Variants in DZANK1 observed in about 807,000 individuals in gnomAD.
The protein encoded by DZANK1 is double zinc ribbon and ankyrin repeat domains 1.
In DZANK1, 91 loss-of-function variants were observed where a neutral mutation model predicts 94.5. That is an observed-to-expected ratio of 0.96 (90% CI 0.81 to 1.15). The LOEUF is 1.15. Ranked by LOEUF, DZANK1 falls within the 50% of genes most tolerant of loss-of-function variation. DZANK1 has a pLI of 0.00. For missense variants in DZANK1, 903 were observed against 916.4 expected (o/e 0.99, Z 0.19); for synonymous variants, 312 against 325.3 (o/e 0.96, Z 0.44).
chr20:18,411,877 A>G (rs1037103309), intron 13 of DZANK1, among the ~76,000 whole-genome samples: 2 of 152,156 alleles, frequency 1.3e-5, no homozygotes, highest in African/African-American at 4.8e-5. Context: ...CTCTGCTTCC[A>G]AAATGGTGCC....
At chr20:18,439,347 A>C (rs2058645193) in intron 8 of DZANK1, among the ~76,000 whole-genome samples, 2 of 152,176 alleles carry the variant, frequency 1.3e-5, no homozygotes, top group Non-Finnish European at 2.9e-5. Context: ...TTAAATCAAG[A>C]GACTGAATTT....
chr20:18,419,455 C>T (rs912863225), intron 10 of DZANK1, among the ~76,000 whole-genome samples: 10 of 152,032 alleles, frequency 6.6e-5, no homozygotes, highest in African/African-American at 1.7e-4. Context: ...TAAATGAACA[C>T]CAACCAGAAT....
intron 8 of DZANK1, among the ~76,000 whole-genome samples, chr20:18,442,239 A>C (rs992042369): frequency 1.3e-5 from 2 of 152,368 alleles, no homozygotes; most frequent in Non-Finnish European, 2.9e-5. Flanking sequence ...AAATGAAGTT[A>C]GTTGTGAAAA....
At chr20:18,403,854 C>T (rs1167576065) in intron 13 of DZANK1, among the ~76,000 whole-genome samples, 1 of 137,520 alleles carries the variant, frequency 7.3e-6, no homozygotes, top group African/African-American at 2.8e-5. Context: ...GGTAGGAGTG[C>T]AGTGGCATGA....
At chr20:18,417,033 AC>A (rs1408378631) in intron 10 of DZANK1, among the ~76,000 whole-genome samples, 4 of 92,404 alleles carry the variant, frequency 4.3e-5, no homozygotes, top group Admixed American at 3.0e-4. Flanking sequence ...ACAAAAAAAA[AC>A]AAAAAAAAAA....
At chr20:18,398,296 T>A in intron 14 of DZANK1, 1 of 515,436 alleles carries the variant, frequency 1.9e-6, no homozygotes, top group Non-Finnish European at 3.5e-6. Context: ...ATGTTCAGAA[T>A]TTTATTGTCT....
At chr20:18,402,932 T>C (rs565413771) in intron 13 of DZANK1, among the ~76,000 whole-genome samples, 1 of 152,324 alleles carries the variant, frequency 6.6e-6, no homozygotes, top group South Asian at 2.1e-4. Flanking sequence ...AATGAAAATA[T>C]ACCAAAACTC....
chr20:18,465,845 C>G (rs1374200986), intron 1 of DZANK1, among the ~76,000 whole-genome samples: 4 of 152,106 alleles, frequency 2.6e-5, no homozygotes, highest in Admixed American at 2.6e-4. Context: ...TGGGAAAGCT[C>G]CGGGTTCACA....
At chr20:18,453,864 A>G in intron 4 of DZANK1, 37 bp from the exon 5 acceptor site, 1 of 1,237,946 alleles carries the variant, frequency 8.1e-7, no homozygotes, top group Non-Finnish European at 1.2e-6. Context: ...TCACTTGGTT[A>G]TTCCCATGTG....
chr20:18,462,353 T>C (rs1006186700), intron 2 of DZANK1, among the ~76,000 whole-genome samples: 1 of 152,116 alleles, frequency 6.6e-6, no homozygotes, highest in African/African-American at 2.4e-5. Context: ...GGATAAGTTC[T>C]GCTCAGCAAG....
chr20:18,447,225 C>T (rs2058910390), intron 7 of DZANK1, among the ~76,000 whole-genome samples: 1 of 152,094 alleles, frequency 6.6e-6, no homozygotes, highest in Admixed American at 6.5e-5. Flanking sequence ...CCTATAATCC[C>T]ACTACTTTGG....
intron 10 of DZANK1, among the ~76,000 whole-genome samples, chr20:18,424,469 CAA>C (rs1259005733): frequency 1.9e-4 from 19 of 101,038 alleles, no homozygotes; most frequent in Admixed American, 3.0e-4. Flanking sequence ...ACAACAACAA[CAA>C]AAAAAAAAAA....
At chr20:18,390,507 C>T in intron 17 of DZANK1, 48 bp from the exon 18 acceptor site, 3 of 1,556,142 alleles carry the variant, frequency 1.9e-6, no homozygotes, top group Non-Finnish European at 2.7e-6. Context: ...AAAATATTCA[C>T]TCAAGGCAAA....
At chr20:18,426,810 A>G (rs1415116268) in intron 10 of DZANK1, among the ~76,000 whole-genome samples, 1 of 152,234 alleles carries the variant, frequency 6.6e-6, no homozygotes, top group Non-Finnish European at 1.5e-5. Context: ...GGCTAATGCC[A>G]GCCTCCCATG....
At chr20:18,436,135 A>C (rs2058511628) in intron 8 of DZANK1, among the ~76,000 whole-genome samples, 1 of 152,228 alleles carries the variant, frequency 6.6e-6, no homozygotes. Flanking sequence ...GCTATTTTTA[A>C]AAAATGTTCA....
chr20:18,445,195 T>A (rs2058834967), intron 7 of DZANK1, among the ~76,000 whole-genome samples: 1 of 152,140 alleles, frequency 6.6e-6, no homozygotes, highest in South Asian at 2.1e-4. Context: ...AACATTAACA[T>A]CAGAACAAGT....
intron 8 of DZANK1, 107 bp from the exon 9 acceptor site, chr20:18,433,872 G>T: frequency 1.2e-6 from 1 of 853,106 alleles, no homozygotes; most frequent in South Asian, 1.8e-5. Context: ...GAACATTCCC[G>T]ATCTCATCTG....
intron 9 of DZANK1, among the ~76,000 whole-genome samples, chr20:18,427,408 CA>C (rs2058092329): frequency 6.6e-6 from 1 of 151,730 alleles, no homozygotes; most frequent in Non-Finnish European, 1.5e-5. Flanking sequence ...GTCTGGTGTC[CA>C]GCTCCTGGCC....
intron 2 of DZANK1, among the ~76,000 whole-genome samples, chr20:18,462,096 T>C (rs1480083959): frequency 1.3e-5 from 2 of 152,178 alleles, no homozygotes; most frequent in Non-Finnish European, 2.9e-5. Context: ...TTCATCTTTC[T>C]TGCATTTTGA....
Sources: allele counts gnomAD v4.1 joint callset (sites outside exome capture counted in the v4.1 genomes callset), GRCh38; gene constraint gnomAD v4.1.1; transcripts MANE v1.5; gene names NCBI Gene and HGNC (gene_info 2026-07-23, HGNC 2026-07-21).